The following NTN4 variants were observed in gnomAD, a reference collection of about 807,000 sequenced individuals.
NTN4 encodes netrin-4.
NTN4 carries 32 observed loss-of-function variants against 73.6 expected under a neutral mutation model. The ratio of observed to expected loss-of-function variants is 0.44; its 90% CI spans 0.33 to 0.58. The LOEUF (loss-of-function observed/expected upper bound fraction) is 0.58. NTN4 is among the 20% of genes least tolerant of loss of function. The pLI is 0.04. For synonymous variants in NTN4, 258 were observed against 287.5 expected, an observed-to-expected ratio of 0.90 and a Z score of 1.04; for missense variants, 654 against 798.3, an observed-to-expected ratio of 0.82 and a Z score of 2.18.
intron 5 of NTN4, among the ~76,000 whole-genome samples, chr12:95,688,603 G>A (rs1375381391): frequency 1.3e-5 from 2 of 152,094 alleles, no homozygotes; most frequent in Non-Finnish European, 2.9e-5. Flanking sequence ...ACAGTTTTGA[G>A]AGTTGTCACC....
intron 2 of NTN4, among the ~76,000 whole-genome samples, chr12:95,771,530 C>G (rs934260679): frequency 1.3e-5 from 2 of 152,080 alleles, no homozygotes; most frequent in African/African-American, 4.8e-5. Flanking sequence ...TAGATGCTCT[C>G]CATCAAATTT....
In NTN4 at chr12:95,673,080, C is replaced by T. The variant is rs1325995752; in HGVS notation, c.1511-2934G>A. The T allele has an allele frequency of 1.2e-4, 170 of 1,421,006 alleles. 3 individuals are homozygous for T. Among genetic ancestry groups the T allele is most frequent in the South Asian group, 1.1e-3 (92 of 87,220 alleles). The allele number at this position is 1,421,006 out of a possible 1,614,324, so 88.0% of individuals were successfully genotyped here. On this transcript the variant is annotated intron_variant, in intron 7 of 9. Transcript: ENST00000343702. ...AGGCCAAGAAGTGAAGGCCGGCGGGCGGACTACTGTCCCCAGGAGCACCCT... is the reference window on the plus strand; with the variant it reads ...AGGCCAAGAAGTGAAGGCCGGCGGGTGGACTACTGTCCCCAGGAGCACCCT...
chr12:95,740,102 C>G (rs1461245395), intron 2 of NTN4: 2 of 152,230 alleles, frequency 1.3e-5, no homozygotes, highest in South Asian at 2.1e-4. Context: ...AAGGAGACAG[C>G]AGAGTGCCAC....
At chr12:95,752,287 A>G (rs1298031743) in intron 2 of NTN4, among the ~76,000 whole-genome samples, 166 of 140,406 alleles carry the variant, frequency 1.2e-3, no homozygotes, top group Middle Eastern at 3.6e-3. Context: ...AAGCCTTACA[A>G]GTTAGTTCAG....
intron 5 of NTN4, among the ~76,000 whole-genome samples, chr12:95,700,803 T>C (rs984454647): frequency 1.5e-5 from 2 of 136,276 alleles, no homozygotes; most frequent in Non-Finnish European, 3.0e-5. Flanking sequence ...TTCTTTTTTC[T>C]TTCTTTCTTT....
chr12:95,710,894 C>G (rs2078560305), intron 4 of NTN4, among the ~76,000 whole-genome samples: 1 of 152,114 alleles, frequency 6.6e-6, no homozygotes, highest in South Asian at 2.1e-4. Context: ...GTCCCAGCTA[C>G]TTGGGAGGCT....
At chr12:95,756,078 T>C (rs1018750847) in intron 2 of NTN4, among the ~76,000 whole-genome samples, 1 of 152,162 alleles carries the variant, frequency 6.6e-6, no homozygotes, top group Non-Finnish European at 1.5e-5. Context: ...AATCAATAGG[T>C]TGGTGACAGA....
intron 2 of NTN4, among the ~76,000 whole-genome samples, chr12:95,748,974 C>T (rs1284547696): frequency 6.6e-6 from 1 of 152,184 alleles, no homozygotes; most frequent in Non-Finnish European, 1.5e-5. Context: ...AGGCCCTGCC[C>T]TGCCTTAACT....
At chr12:95,759,498 T>G (rs1005314105) in intron 2 of NTN4, among the ~76,000 whole-genome samples, 18 of 151,070 alleles carry the variant, frequency 1.2e-4, no homozygotes, top group South Asian at 2.1e-4. Context: ...TTTGTTTTTT[T>G]TTTTTTTTGA....
intron 5 of NTN4, among the ~76,000 whole-genome samples, chr12:95,689,038 T>A (rs753113424): frequency 6.6e-6 from 1 of 152,000 alleles, no homozygotes; most frequent in Non-Finnish European, 1.5e-5. Flanking sequence ...ATGTGTGAGG[T>A]TTGCAAAAAA....
intron 2 of NTN4, among the ~76,000 whole-genome samples, chr12:95,749,448 A>G (rs1404343193): frequency 6.6e-6 from 1 of 151,344 alleles, no homozygotes; most frequent in Non-Finnish European, 1.5e-5. Context: ...GCCTCTTCTT[A>G]CTCTCTTCTC....
At chr12:95,747,644 T>C (rs1447214819) in intron 2 of NTN4, among the ~76,000 whole-genome samples, 6 of 152,160 alleles carry the variant, frequency 3.9e-5, no homozygotes, top group Non-Finnish European at 5.9e-5. Context: ...TATGTTTTGA[T>C]GCATCCTTAT....
chr12:95,754,230 A>C (rs959322829), intron 2 of NTN4, among the ~76,000 whole-genome samples: 1 of 152,112 alleles, frequency 6.6e-6, no homozygotes, highest in Non-Finnish European at 1.5e-5. Flanking sequence ...ATCATTCTAT[A>C]AGACAAATGT....
chr12:95,710,777 G>A (rs1011950335), intron 4 of NTN4, 148 bp from the exon 5 acceptor site: 3 of 668,562 alleles, frequency 4.5e-6, no homozygotes, highest in Non-Finnish European at 2.4e-6. Flanking sequence ...GCTGAGGCAG[G>A]TGGATCACCT....
chr12:95,719,579 T>C (rs1187534552), intron 3 of NTN4, among the ~76,000 whole-genome samples: 1 of 152,220 alleles, frequency 6.6e-6, no homozygotes, highest in African/African-American at 2.4e-5. Flanking sequence ...AAATAAATTC[T>C]AATAATGGGC....
At chr12:95,762,362 C>A (rs2078994712) in intron 2 of NTN4, among the ~76,000 whole-genome samples, 1 of 152,226 alleles carries the variant, frequency 6.6e-6, no homozygotes, top group South Asian at 2.1e-4. Flanking sequence ...TACTAGGCAG[C>A]ATAGGGCCAC....
At position 95,779,776 on chromosome 12, in the gene NTN4, T is replaced by C. The variant is rs2079119459; in HGVS notation, c.585+7163A>G. On this transcript the variant is annotated intron_variant, in intron 2 of 9. Coordinates refer to ENST00000343702, the MANE Select transcript of NTN4 (RefSeq NM_021229.4). Reference sequence around the variant, plus strand: ...AATGCCATCCCCATCAAGCTACCAATGACTTTCTTCACAAAATTGGAAAAA... The same window carrying C: ...AATGCCATCCCCATCAAGCTACCAACGACTTTCTTCACAAAATTGGAAAAA... 2.0e-5 allele frequency among the ~76,000 whole-genome samples: 3 copies of C among 152,172 alleles called. No homozygotes were observed. The South Asian group carries it at 6.2e-4, about 32-fold the overall frequency.
At chr12:95,668,171 G>GGGAAT (rs2078197936) in intron 8 of NTN4, among the ~76,000 whole-genome samples, 1 of 150,264 alleles carries the variant, frequency 6.7e-6, no homozygotes, top group Non-Finnish European at 1.5e-5. Flanking sequence ...TATTAAGCCA[G>GGGAAT]GGAATGGGGA....
chr12:95,703,329 G>A (rs1036879086), intron 5 of NTN4, among the ~76,000 whole-genome samples: 33 of 152,060 alleles, frequency 2.2e-4, no homozygotes, highest in African/African-American at 7.7e-4. Context: ...TCCTTGGTAC[G>A]CATTTGTAGG....
Sources: allele counts gnomAD v4.1 joint callset (sites outside exome capture counted in the v4.1 genomes callset), GRCh38; gene constraint gnomAD v4.1.1; transcripts MANE v1.5; gene names NCBI Gene and HGNC (gene_info 2026-07-23, HGNC 2026-07-21).